The following TOP1MT variants were observed in gnomAD, a reference collection of about 807,000 sequenced individuals.
TOP1MT encodes DNA topoisomerase I, mitochondrial.
Under a neutral mutation model 73.9 loss-of-function variants are expected in TOP1MT, and 80 were observed. The observed-to-expected ratio is 1.08, with a 90% CI of 0.90 to 1.30. TOP1MT has a LOEUF of 1.30. TOP1MT is among the 50% of genes most tolerant of loss of function. TOP1MT has a pLI of 0.00. For missense variants in TOP1MT, 815 were observed against 808.0 expected (o/e 1.01, Z -0.10); for synonymous variants, 338 against 326.4 (o/e 1.04, Z -0.38).
At chr8:143,342,057 G>A (rs1817099139) in intron 2 of TOP1MT, among the ~76,000 whole-genome samples, 1 of 136,642 alleles carries the variant, frequency 7.3e-6, no homozygotes, top group Admixed American at 7.0e-5. Context: ...ATTATTATTA[G>A]AGACAGAGTC....
At chr8:143,330,090 G>T (rs893364891) in intron 2 of TOP1MT, among the ~76,000 whole-genome samples, 1 of 152,222 alleles carries the variant, frequency 6.6e-6, no homozygotes, top group African/African-American at 2.4e-5. Flanking sequence ...GTAAGAAGGA[G>T]GAAGGCATTT....
At chr8:143,345,018 G>C (rs1193723858), upstream of TOP1MT, 3 of 152,218 alleles carry the variant, frequency 2.0e-5, no homozygotes, top group Non-Finnish European at 2.9e-5. Context: ...AAACGTTAAA[G>C]TTTTAAGCAA....
At position 143,315,717 on chromosome 8, in the gene TOP1MT, G is replaced by A. The variant is rs28535993; in HGVS notation, c.1553+10C>T. On this transcript the variant is annotated intron_variant, in intron 12 of 13. Coordinates refer to ENST00000329245, the MANE Select transcript of TOP1MT (RefSeq NM_052963.3). ...CCCGGGAGAAGGCGTCTGAGGGCACGGGTACTCACCTCCTGGACTTGCCAT... is the reference window on the plus strand; with the variant it reads ...CCCGGGAGAAGGCGTCTGAGGGCACAGGTACTCACCTCCTGGACTTGCCAT... 3.6e-4 allele frequency: 577 copies of A among 1,612,376 alleles called. 2 individuals carry two copies. The African/African-American group carries it at 6.4e-3, about 18-fold the overall frequency.
chr8:143,347,989 G>A (rs1817257690), upstream of TOP1MT, among the ~76,000 whole-genome samples: 1 of 152,292 alleles, frequency 6.6e-6, no homozygotes, highest in African/African-American at 2.4e-5. Flanking sequence ...GTGCCCAGGA[G>A]ATGTGGGGCC....
chr8:143,322,980 C>T (rs1379010200), intron 7 of TOP1MT, among the ~76,000 whole-genome samples: 13 of 108,960 alleles, frequency 1.2e-4, no homozygotes, highest in African/African-American at 3.1e-4. Context: ...CACGCACGCA[C>T]GCCACACACG....
intron 12 of TOP1MT, among the ~76,000 whole-genome samples, chr8:143,315,500 G>A (rs935680598): frequency 2.4e-4 from 37 of 152,032 alleles, no homozygotes; most frequent in Admixed American, 8.5e-4. Context: ...AAATAACAGC[G>A]CAGCCAGACA....
chr8:143,309,718 A>G (rs778895239), intron 13 of TOP1MT, 175 bp from the exon 14 acceptor site: 3 of 1,524,686 alleles, frequency 2.0e-6, no homozygotes, highest in South Asian at 1.2e-5. Context: ...GCCACCCTGG[A>G]GCATCAGCGA....
chr8:143,328,090 G>T (rs968677596), intron 3 of TOP1MT: 1 of 375,066 alleles, frequency 2.7e-6, no homozygotes, highest in Non-Finnish European at 5.2e-6. Context: ...ACCTTCCAAA[G>T]ACATTGTTAA....
At chr8:143,332,901 G>A (rs1172556924) in intron 1 of TOP1MT, among the ~76,000 whole-genome samples, 3 of 152,018 alleles carry the variant, frequency 2.0e-5, no homozygotes, top group Admixed American at 6.6e-5. Flanking sequence ...AGGGAGACTC[G>A]GGGAGAGGGG....
At chr8:143,328,900 T>C (rs932659594) in intron 3 of TOP1MT, among the ~76,000 whole-genome samples, 1 of 152,136 alleles carries the variant, frequency 6.6e-6, no homozygotes, top group Non-Finnish European at 1.5e-5. Flanking sequence ...GGCAGTCACC[T>C]TGAAAATGAG....
At position 143,324,567 on chromosome 8, in the gene TOP1MT, G is replaced by C; in HGVS notation, c.734C>G (p.Thr245Ser). Residue 245 changes from threonine (T) to serine (S), a missense_variant, in exon 6 of 14, where the codon ACC becomes AGC. This residue lies in a region of TOP1MT where 751 missense variants were observed against 725.4 expected (regional missense o/e 1.04). Coordinates refer to ENST00000329245, the MANE Select transcript of TOP1MT (RefSeq NM_052963.3). ...HQWKEVRSDN[T>S]VTWLAAWTES... Reference sequence around the variant, plus strand: ...GGTCCAAGCTGCCAGCCACGTGACGGTGTTATCGGAGCGCACCTCCTTCCA... The same window carrying C: ...GGTCCAAGCTGCCAGCCACGTGACGCTGTTATCGGAGCGCACCTCCTTCCA... 6.2e-7 allele frequency: 1 copy of C among 1,613,816 alleles called. No individual in the cohort carries two copies. The highest frequency in any genetic ancestry group is 8.5e-7 in the Non-Finnish European group (1 of 1,180,010).
chr8:143,322,551 C>G lies in TOP1MT; in HGVS notation c.961-1165G>C, dbSNP rs867523071. Among the ~76,000 whole-genome samples the G allele has an allele frequency of 6.9e-3, 630 of 91,916 alleles. 19 individuals are homozygous for G. Among genetic ancestry groups the G allele is most frequent in the African/African-American group, 0.021 (595 of 28,528 alleles). The allele number at this position is 91,916 out of a possible 152,430, so 60.3% of individuals were successfully genotyped here. ...ACGCCAAAGATGCACGCCACACACA[C>G]GCACGCCACACACAGACACGCCACA... On this transcript the variant is annotated intron_variant, in intron 7 of 13. Transcript: ENST00000329245.
At chr8:143,317,926 G>A in intron 9 of TOP1MT, 89 bp from the exon 10 acceptor site, 1 of 1,589,966 alleles carries the variant, frequency 6.3e-7, no homozygotes, top group East Asian at 2.2e-5. Flanking sequence ...CAGCCGTTGG[G>A]TCAGGACAAA....
rs1816523689 is a variant in TOP1MT, at chr8:143,322,784, C to T, written c.960+1215G>A. ...CACACGCACGCCACACACAGGCACG[C>T]CACACACATGCACACACACATGCAT... On this transcript the variant is annotated intron_variant, in intron 7 of 13. Transcript: ENST00000329245. Among the ~76,000 whole-genome samples the T allele has an allele frequency of 2.4e-4, 7 of 29,288 alleles. 1 individual carries two copies. The highest frequency in any genetic ancestry group is 3.5e-4 in the Non-Finnish European group (5 of 14,228). 19.2% of individuals were successfully genotyped at this position (29,288 alleles called of 152,430 possible).
upstream of TOP1MT, among the ~76,000 whole-genome samples, chr8:143,335,152 G>A (rs1586775411): frequency 6.6e-6 from 1 of 152,352 alleles, no homozygotes. Context: ...TGGCTGTCAG[G>A]ATGCCCCACA....
At chr8:143,323,741 ACACACATGCACGCCC>A (rs1387254724) in intron 7 of TOP1MT, among the ~76,000 whole-genome samples, 10 of 46,894 alleles carry the variant, frequency 2.1e-4, no homozygotes, top group South Asian at 1.2e-3. Context: ...CATGCACGCC[ACACACATGCACGCCC>A]CACACAGACA....
chr8:143,318,630 CT>C (rs2129976708), intron 8 of TOP1MT, among the ~76,000 whole-genome samples: 1 of 152,332 alleles, frequency 6.6e-6, no homozygotes. Context: ...GGCAGGCACC[CT>C]CCCTGAGCGC....
upstream of TOP1MT, among the ~76,000 whole-genome samples, chr8:143,347,573 G>C (rs555254790): frequency 1.3e-5 from 2 of 152,200 alleles, no homozygotes; most frequent in Non-Finnish European, 2.9e-5. Flanking sequence ...AATTATAGGC[G>C]TGCCTGGCCA....
rs1160670568 is a variant in TOP1MT, at chr8:143,331,291, C to A, written c.171G>T (p.Glu57Asp). Reference protein sequence around the residue: ...HEDGVKWRQLEHKGPYFAPPY... With the variant: ...HEDGVKWRQLDHKGPYFAPPY... ...GGGGTGCGAAGTACGGGCCCTTGTG[C>A]TCCAGCTGTCTCCACTTCACCCCGT... The change falls in exon 2 of 14, where the codon GAG (glutamate) becomes GAT (aspartate). Residue 57 changes from glutamate (E) to aspartate (D), a missense_variant. Glu to Asp is a conservative substitution (Grantham distance 45, BLOSUM62 2). Around this residue, in one of 3 missense-constraint regions of TOP1MT, gnomAD observed 751 missense variants for 725.4 expected, o/e 1.04. Coordinates refer to ENST00000329245, the MANE Select transcript of TOP1MT (RefSeq NM_052963.3). 6.2e-7 allele frequency: 1 copy of A among 1,613,030 alleles called. No individual in the cohort carries two copies. Among genetic ancestry groups the A allele is most frequent in the South Asian group, 1.1e-5 (1 of 90,992 alleles).
Sources: allele counts gnomAD v4.1 joint callset (sites outside exome capture counted in the v4.1 genomes callset), GRCh38; gene constraint gnomAD v4.1.1; regional missense constraint gnomAD v4.1.1; transcripts MANE v1.5; gene names NCBI Gene and HGNC (gene_info 2026-07-23, HGNC 2026-07-21).